Variants in TYR observed in about 807,000 individuals in gnomAD.
The protein encoded by TYR is tyrosinase, also known as LB24-AB.
Under a neutral mutation model 51.5 loss-of-function variants are expected in TYR, and 58 were observed. That is an observed-to-expected ratio of 1.13 (90% CI 0.91 to 1.40). The LOEUF is 1.40. TYR is among the 40% of genes most tolerant of loss of function. TYR has a pLI of 0.00. For missense variants in TYR, 732 were observed against 647.4 expected (o/e 1.13, Z -1.42); for synonymous variants, 263 against 235.2 (o/e 1.12, Z -1.08).
chr11:89,181,046 A>G (rs1379775248), intron 1 of TYR, among the ~76,000 whole-genome samples: 1 of 152,108 alleles, frequency 6.6e-6, no homozygotes, highest in African/African-American at 2.4e-5. Flanking sequence ...GAGGTTGTAA[A>G]GTTCAAGAGT....
In TYR at chr11:89,227,870, A is replaced by T; in HGVS notation, c.1084A>T (p.Met362Leu). ...GATAGCGGATGCCTCTCAAAGCAGC[A>T]TGCACAATGCCTTGCACATCTATAT... ...TGIADASQSS[M>L]HNALHIYMNG... Residue 362 changes from methionine to leucine, a missense_variant, in exon 3 of 5, where the codon ATG (methionine) becomes TTG (leucine). Physicochemically the swap from Met to Leu is conservative, Grantham distance 15. Transcript: ENST00000263321. The T allele has an allele frequency of 1.2e-6, 2 of 1,613,586 alleles. 1 individual carries two copies. The highest frequency in any genetic ancestry group is 2.2e-5 in the South Asian group (2 of 91,080).
intron 3 of TYR, among the ~76,000 whole-genome samples, chr11:89,257,869 A>C (rs1281329005): frequency 6.6e-6 from 1 of 152,050 alleles, no homozygotes; most frequent in Non-Finnish European, 1.5e-5. Flanking sequence ...CCATTAAATT[A>C]TTGAACACAG....
chr11:89,247,218 C>T (rs914737319), intron 3 of TYR, among the ~76,000 whole-genome samples: 5 of 152,114 alleles, frequency 3.3e-5, no homozygotes, highest in African/African-American at 1.2e-4. Context: ...TCCATCTCTC[C>T]CACTAAATCA....
At chr11:89,290,484 T>C (rs993217880) in intron 4 of TYR, among the ~76,000 whole-genome samples, 13 of 152,062 alleles carry the variant, frequency 8.5e-5, no homozygotes, top group East Asian at 5.8e-4. Flanking sequence ...CTGCCTTTTT[T>C]TGGACATTTT....
intron 2 of TYR, among the ~76,000 whole-genome samples, chr11:89,198,102 A>G (rs1044300716): frequency 2.0e-5 from 3 of 152,140 alleles, no homozygotes; most frequent in African/African-American, 2.4e-5. Context: ...CATTTAAACA[A>G]GAATAGTGTG....
At chr11:89,274,160 A>G (rs1347831911) in intron 3 of TYR, among the ~76,000 whole-genome samples, 2 of 151,906 alleles carry the variant, frequency 1.3e-5, no homozygotes, top group Non-Finnish European at 2.9e-5. Context: ...GTTAAGTATC[A>G]CAATCATCTA....
At chr11:89,224,833 T>C (rs1943957886) in intron 2 of TYR, among the ~76,000 whole-genome samples, 1 of 152,186 alleles carries the variant, frequency 6.6e-6, no homozygotes, top group South Asian at 2.1e-4. Flanking sequence ...TTCTTACAAG[T>C]TGGGTAGTTT....
Position 89,290,177 on chromosome 11 carries a change from G to T in TYR, c.1367-4966G>T, listed in dbSNP as rs189731782. ...AAAAATAGGACTTCACAGAGGGAAGGATGATCAAAAAATTACGATATTGGG... is the reference window on the plus strand; with the variant it reads ...AAAAATAGGACTTCACAGAGGGAAGTATGATCAAAAAATTACGATATTGGG... On this transcript the variant is annotated intron_variant, in intron 4 of 4. Transcript: ENST00000263321. Among the ~76,000 whole-genome samples, 599 of 152,126 alleles carry T rather than the reference G, an allele frequency of 3.9e-3. 4 individuals are homozygous for T. Among genetic ancestry groups the T allele is most frequent in the Non-Finnish European group, 7.3e-3 (495 of 67,952 alleles).
chr11:89,288,104 G>A (rs1486632995), intron 4 of TYR, among the ~76,000 whole-genome samples: 1 of 151,854 alleles, frequency 6.6e-6, no homozygotes, highest in Middle Eastern at 3.2e-3. Flanking sequence ...TATATGGGAC[G>A]GCAAGGTGAA....
chr11:89,231,406 C>T (rs78532306), intron 3 of TYR, among the ~76,000 whole-genome samples: 2,559 of 109,504 alleles, frequency 0.023, 550 homozygotes, highest in African/African-American at 0.11. Flanking sequence ...ATATTGATAA[C>T]GATGGATAGA....
intron 2 of TYR, among the ~76,000 whole-genome samples, chr11:89,203,553 T>C (rs1943628036): frequency 6.6e-6 from 1 of 152,178 alleles, no homozygotes; most frequent in Admixed American, 6.5e-5. Context: ...TTAGTCCCTC[T>C]AAATACAACC....
rs36124916 is a variant in TYR, at chr11:89,276,504, C to CT, written c.1185-8260dup. ...TGTTCACTACTTTCTCTCTCTCTGCCTTTTTTTTTAAAGTATGATTTCACA... is the reference window on the plus strand; with the variant it reads ...TGTTCACTACTTTCTCTCTCTCTGCCTTTTTTTTTTAAAGTATGATTTCACA... On this transcript the variant is annotated intron_variant, in intron 3 of 4. Coordinates refer to ENST00000263321, the MANE Select transcript of TYR (RefSeq NM_000372.5). 2.4e-3 allele frequency among the ~76,000 whole-genome samples: 355 copies of CT among 150,778 alleles called. 1 individual carries two copies. The Middle Eastern group carries it at 0.024, about 10-fold the overall frequency.
At chr11:89,293,638 T>G (rs536524229) in intron 4 of TYR, 1 of 152,232 alleles carries the variant, frequency 6.6e-6, no homozygotes, top group African/African-American at 2.4e-5. Context: ...ATACTACTTT[T>G]AAAATGAACA....
At chr11:89,268,643 A>C (rs1316870715) in intron 3 of TYR, among the ~76,000 whole-genome samples, 1 of 151,916 alleles carries the variant, frequency 6.6e-6, no homozygotes, top group Non-Finnish European at 1.5e-5. Context: ...CATCCATTAT[A>C]ATCATAGTTC....
chr11:89,196,710 G>T (rs1291899130), intron 2 of TYR, among the ~76,000 whole-genome samples: 5 of 152,090 alleles, frequency 3.3e-5, no homozygotes, highest in African/African-American at 4.8e-5. Context: ...ACTATTGGAG[G>T]AGACTTCTCA....
At chr11:89,290,738 A>G (rs770475454) in intron 4 of TYR, among the ~76,000 whole-genome samples, 1 of 152,032 alleles carries the variant, frequency 6.6e-6, no homozygotes, top group Non-Finnish European at 1.5e-5. Flanking sequence ...AGTTATACAT[A>G]TATTTTTGCT....
chr11:89,186,095 CAG>C (rs1943368598), intron 1 of TYR, among the ~76,000 whole-genome samples: 4 of 152,078 alleles, frequency 2.6e-5, no homozygotes, highest in Admixed American at 2.6e-4. Context: ...TAGCCACAAT[CAG>C]AGTCATGGAA....
chr11:89,227,874 A>G lies in TYR; in HGVS notation c.1088A>G (p.His363Arg). The change falls in exon 3 of 5, where the codon CAC (histidine) becomes CGC (arginine). Residue 363 changes from histidine to arginine, a missense_variant. Physicochemically the swap from His to Arg is conservative, Grantham distance 29. Transcript: ENST00000263321. ...GCGGATGCCTCTCAAAGCAGCATGC[A>G]CAATGCCTTGCACATCTATATGAAT... ...GIADASQSSMHNALHIYMNGT... is the reference protein window; with the variant it reads ...GIADASQSSMRNALHIYMNGT... 1 of 1,613,482 alleles carries G rather than the reference A, an allele frequency of 6.2e-7. No homozygotes were observed. Among genetic ancestry groups the G allele is most frequent in the East Asian group, 2.2e-5 (1 of 44,854 alleles).
At chr11:89,194,117 G>C (rs1373763182) in intron 2 of TYR, among the ~76,000 whole-genome samples, 1 of 152,026 alleles carries the variant, frequency 6.6e-6, no homozygotes, top group Non-Finnish European at 1.5e-5. Context: ...ATAGAATCTA[G>C]TCTAGGATCA....
Sources: gnomAD v4.1 joint callset for allele counts (sites outside exome capture counted in the v4.1 genomes callset) on GRCh38, gnomAD v4.1.1 for gene constraint, MANE v1.5 for transcripts, NCBI Gene and HGNC (gene_info 2026-07-23, HGNC 2026-07-21) for gene names.